GRIP1: variants seen among roughly 807,000 people sequenced by gnomAD.
GRIP1 encodes the protein glutamate receptor-interacting protein 1.
Under a neutral mutation model 129.9 loss-of-function variants are expected in GRIP1, and 45 were observed. That is an observed-to-expected ratio of 0.35 (90% CI 0.27 to 0.44). The LOEUF (loss-of-function observed/expected upper bound fraction) is 0.44, where lower values mean the gene tolerates loss of function less well. GRIP1 is among the 20% of genes least tolerant of loss of function. The pLI is 1.00. For synonymous variants in GRIP1, 530 were observed against 520.8 expected (o/e 1.02, Z -0.24); for missense variants, 1,196 against 1,396.8 (o/e 0.86, Z 2.29).
At chr12:66,902,513 T>C (rs1196005114) in intron 1 of GRIP1, among the ~76,000 whole-genome samples, 3 of 152,166 alleles carry the variant, frequency 2.0e-5, no homozygotes, top group Non-Finnish European at 2.9e-5. Context: ...CATTCAGCAG[T>C]CTTCCTCCTA....
At chr12:66,543,723 T>C (rs1232392988) in intron 2 of GRIP1, among the ~76,000 whole-genome samples, 1 of 152,218 alleles carries the variant, frequency 6.6e-6, no homozygotes, top group East Asian at 1.9e-4. Context: ...TGACCGTTCA[T>C]ATTAAAGAGA....
upstream of GRIP1, among the ~76,000 whole-genome samples, chr12:66,679,421 T>C (rs2034491090): frequency 7.3e-6 from 1 of 137,720 alleles, no homozygotes. Flanking sequence ...ATGGGTCATG[T>C]ACTATGTTCT....
chr12:66,529,955 C>A, intron 4 of GRIP1, 41 bp from the exon 5 acceptor site: 2 of 1,177,540 alleles, frequency 1.7e-6, no homozygotes, highest in South Asian at 2.4e-5. Flanking sequence ...ACTTGTAAGT[C>A]ATCATAACAT....
intron 2 of GRIP1, among the ~76,000 whole-genome samples, chr12:66,561,824 T>A (rs2062544379): frequency 6.6e-6 from 1 of 152,206 alleles, no homozygotes. Context: ...CTGGGTTTGG[T>A]GGCTCATGCC....
intron 1 of GRIP1, among the ~76,000 whole-genome samples, chr12:67,036,183 C>G (rs755798337): frequency 6.6e-6 from 1 of 151,998 alleles, no homozygotes; most frequent in African/African-American, 2.4e-5. Flanking sequence ...TTGAACTCAT[C>G]GACAAAAAAA....
intron 2 of GRIP1, among the ~76,000 whole-genome samples, chr12:66,579,632 C>A (rs1048449339): frequency 6.6e-6 from 1 of 151,986 alleles, no homozygotes; most frequent in Admixed American, 6.5e-5. Flanking sequence ...GGAGCCGATG[C>A]GATCAACTGG....
At chr12:66,642,860 A>G (rs538000766) in intron 1 of GRIP1, among the ~76,000 whole-genome samples, 1 of 152,356 alleles carries the variant, frequency 6.6e-6, no homozygotes, top group South Asian at 2.1e-4. Context: ...AATCAATGGA[A>G]CAAAAAGTCA....
chr12:66,687,098 CA>C (rs1303876960), intron 1 of GRIP1, among the ~76,000 whole-genome samples: 1 of 152,004 alleles, frequency 6.6e-6, no homozygotes, highest in Non-Finnish European at 1.5e-5. Context: ...AAAACAAAAA[CA>C]AAAACCACTA....
intron 1 of GRIP1, among the ~76,000 whole-genome samples, chr12:66,999,485 G>A (rs995545876): frequency 3.3e-5 from 5 of 152,062 alleles, no homozygotes; most frequent in African/African-American, 9.7e-5. Flanking sequence ...TATAATAAAC[G>A]CTATTCAAAC....
chr12:67,067,566 G>A (rs958371336), intron 1 of GRIP1, among the ~76,000 whole-genome samples: 2 of 152,218 alleles, frequency 1.3e-5, no homozygotes, highest in African/African-American at 4.8e-5. Context: ...GTAGACGTAA[G>A]GTCACCTGCC....
At chr12:66,695,928 T>G (rs1477329277) in intron 1 of GRIP1, among the ~76,000 whole-genome samples, 1 of 152,060 alleles carries the variant, frequency 6.6e-6, no homozygotes, top group South Asian at 2.1e-4. Context: ...GGAGGTGGAT[T>G]GTGAAGGATA....
chr12:66,457,410 G>C (rs1227413951), intron 9 of GRIP1, among the ~76,000 whole-genome samples: 1 of 152,096 alleles, frequency 6.6e-6, no homozygotes, highest in Non-Finnish European at 1.5e-5. Context: ...TGGCACTACA[G>C]GCCCACGCCA....
At chr12:66,609,534 A>G (rs926074780) in intron 1 of GRIP1, among the ~76,000 whole-genome samples, 3 of 152,230 alleles carry the variant, frequency 2.0e-5, no homozygotes, top group Non-Finnish European at 4.4e-5. Flanking sequence ...AAAGATGACC[A>G]AATTATCTTC....
At chr12:66,628,304 A>C (rs1327775577) in intron 1 of GRIP1, among the ~76,000 whole-genome samples, 1 of 145,784 alleles carries the variant, frequency 6.9e-6, no homozygotes, top group Middle Eastern at 3.2e-3. Context: ...TTATGCCTTC[A>C]ATAAAAATTC....
chr12:66,757,179 A>G (rs2037319555), intron 1 of GRIP1, among the ~76,000 whole-genome samples: 1 of 152,106 alleles, frequency 6.6e-6, no homozygotes, highest in Non-Finnish European at 1.5e-5. Flanking sequence ...ATCAAATACT[A>G]GATCTTATTC....
rs569045587 is a variant in GRIP1, at chr12:66,888,790, T to C, written c.58+180260A>G. Among the ~76,000 whole-genome samples the C allele has an allele frequency of 9.8e-5, 15 of 152,350 alleles. No individual in the cohort carries two copies. In the East Asian group the frequency reaches 1.9e-3, roughly 20 times the overall value. On this transcript the variant is annotated intron_variant, in intron 1 of 1. Transcript: ENST00000643019. ...GCTAAAATATTGTGAGTTTATAATA[T>C]GTTTTTCTACTGAACACAGTTGCTA...
chr12:66,917,945 T>C (rs1238016172), intron 1 of GRIP1, among the ~76,000 whole-genome samples: 11 of 132,542 alleles, frequency 8.3e-5, no homozygotes, highest in Non-Finnish European at 1.8e-4. Flanking sequence ...AAGAGATGTA[T>C]AAACACACAC....
At chr12:66,789,446 A>G (rs2038457494) in intron 1 of GRIP1, among the ~76,000 whole-genome samples, 1 of 152,232 alleles carries the variant, frequency 6.6e-6, no homozygotes. Context: ...CAGCTAATTT[A>G]TCAACTTATA....
chr12:66,900,373 A>G (rs2040824588), intron 1 of GRIP1, among the ~76,000 whole-genome samples: 3 of 152,252 alleles, frequency 2.0e-5, no homozygotes, highest in African/African-American at 7.2e-5. Context: ...TCCTTCTACT[A>G]TGTTAGGACA....
Sources: gnomAD v4.1 joint callset for allele counts (sites outside exome capture counted in the v4.1 genomes callset) on GRCh38, gnomAD v4.1.1 for gene constraint, MANE v1.5 for transcripts, NCBI Gene and HGNC (gene_info 2026-07-23, HGNC 2026-07-21) for gene names.